The following PPP2R5A variants were observed in gnomAD, a reference collection of about 807,000 sequenced individuals.
The protein encoded by PPP2R5A is protein phosphatase 2 regulatory subunit B'alpha, also known as serine/threonine-protein phosphatase 2A 56 kDa regulatory subunit alpha isoform.
A neutral mutation model predicts 64.2 loss-of-function variants in PPP2R5A; 25 were observed. The ratio of observed to expected loss-of-function variants is 0.39; its 90% CI spans 0.28 to 0.54. The LOEUF (loss-of-function observed/expected upper bound fraction) is 0.54, where lower values mean the gene tolerates loss of function less well. Ranked by LOEUF, PPP2R5A falls within the 20% of genes least tolerant of loss-of-function variation. The pLI, the probability that PPP2R5A is intolerant of heterozygous loss-of-function variation, is 0.67. For missense variants in PPP2R5A, 425 were observed against 576.3 expected (o/e 0.74, Z 2.69); for synonymous variants, 198 against 201.2 (o/e 0.98, Z 0.13).
At chr1:212,329,924 G>A (rs11119915) in intron 2 of PPP2R5A, among the ~76,000 whole-genome samples, 17,800 of 152,196 alleles carry the variant, frequency 0.12, 2,647 homozygotes, top group African/African-American at 0.35. Context: ...GATTATAGGC[G>A]TGAGCCACCG....
intron 1 of PPP2R5A, among the ~76,000 whole-genome samples, chr1:212,286,527 G>GTCCC (rs1177315235): frequency 1.3e-5 from 2 of 152,294 alleles, no homozygotes; most frequent in East Asian, 3.9e-4. Flanking sequence ...TTCCATCCTA[G>GTCCC]GGGAGGCCAA....
chr1:212,321,223 G>A (rs1424619464), intron 1 of PPP2R5A, among the ~76,000 whole-genome samples: 6 of 143,926 alleles, frequency 4.2e-5, no homozygotes, highest in East Asian at 2.1e-4. Flanking sequence ...CAGACGGGGC[G>A]GCTGGCCGGG....
chr1:212,339,906 C>T (rs12033246), intron 3 of PPP2R5A, among the ~76,000 whole-genome samples: 44,912 of 149,306 alleles, frequency 0.3, 7,251 homozygotes, highest in Non-Finnish European at 0.37. Context: ...GGTGGAATCT[C>T]CAGGGATTTG....
chr1:212,334,266 A>C (rs1053629408), intron 3 of PPP2R5A, among the ~76,000 whole-genome samples: 4 of 152,034 alleles, frequency 2.6e-5, no homozygotes, highest in Admixed American at 2.0e-4. Flanking sequence ...TGAATCCATA[A>C]ATTTTTATAC....
At chr1:212,294,719 T>G (rs574724512) in intron 1 of PPP2R5A, among the ~76,000 whole-genome samples, 26 of 152,320 alleles carry the variant, frequency 1.7e-4, no homozygotes, top group Admixed American at 3.3e-4. Context: ...GAATACAGAC[T>G]TGTAAGCAGG....
intron 1 of PPP2R5A, among the ~76,000 whole-genome samples, chr1:212,326,784 T>A (rs895078141): frequency 2.0e-4 from 30 of 152,240 alleles, no homozygotes; most frequent in Admixed American, 1.4e-3. Flanking sequence ...TGTGGAGCTA[T>A]CTTATTTTAC....
chr1:212,322,911 G>A (rs142025328), intron 1 of PPP2R5A, among the ~76,000 whole-genome samples: 3,011 of 152,026 alleles, frequency 0.02, 76 homozygotes, highest in East Asian at 0.12. Flanking sequence ...TCAGCCTCCC[G>A]AGTAGCTGGG....
At chr1:212,356,433 A>T (rs1347240474) in intron 8 of PPP2R5A, among the ~76,000 whole-genome samples, 193 bp from the exon 9 acceptor site, 1 of 152,242 alleles carries the variant, frequency 6.6e-6, no homozygotes, top group Non-Finnish European at 1.5e-5. Flanking sequence ...TATCTGGTAC[A>T]TAATAGGCAC....
chr1:212,343,051 G>A (rs957968071), intron 4 of PPP2R5A, among the ~76,000 whole-genome samples: 2 of 151,778 alleles, frequency 1.3e-5, no homozygotes, highest in Admixed American at 6.6e-5. Context: ...GGGTTCAAGC[G>A]ATTCTCCTGC....
At chr1:212,321,372 C>G (rs1048494330) in intron 1 of PPP2R5A, among the ~76,000 whole-genome samples, 1 of 147,912 alleles carries the variant, frequency 6.8e-6, no homozygotes, top group African/African-American at 2.5e-5. Flanking sequence ...GGGGGGCTGA[C>G]CCCCACCTCC....
At chr1:212,332,730 C>CT (rs1218225624) in intron 2 of PPP2R5A, among the ~76,000 whole-genome samples, 1 of 151,926 alleles carries the variant, frequency 6.6e-6, no homozygotes, top group East Asian at 1.9e-4. Flanking sequence ...TTACCAAACT[C>CT]TGAGTTATAA....
At chr1:212,348,732 G>T (rs115291003) in intron 7 of PPP2R5A, among the ~76,000 whole-genome samples, 1 of 152,202 alleles carries the variant, frequency 6.6e-6, no homozygotes, top group African/African-American at 2.4e-5. Flanking sequence ...TCATATTATA[G>T]TCCAGGTCTT....
At position 212,333,098 on chromosome 1, in the gene PPP2R5A, T is replaced by G. The variant is rs1659532828; in HGVS notation, c.379-399T>G. The stretch of plus-strand genomic sequence containing the variant: ...TGTGTTTTTGTAGAGATTGGGGGTT[T>G]CACCATGTTGCCCAGGCTGGTCTTG... On this transcript the variant is annotated intron_variant, in intron 2 of 12. Coordinates refer to ENST00000261461, the MANE Select transcript of PPP2R5A (RefSeq NM_006243.4). Among the ~76,000 whole-genome samples the G allele has an allele frequency of 3.9e-5, 6 of 152,178 alleles. No individual in the cohort carries two copies. In the South Asian group the frequency reaches 1.2e-3, roughly 32 times the overall value.
chr1:212,298,856 G>T (rs1333765713), intron 1 of PPP2R5A, among the ~76,000 whole-genome samples: 13 of 40,002 alleles, frequency 3.2e-4, no homozygotes, highest in African/African-American at 7.6e-4. Flanking sequence ...CCTCCCGGAC[G>T]GGGCGGCTGG....
chr1:212,347,985 T>A (rs1363685792), intron 6 of PPP2R5A, among the ~76,000 whole-genome samples: 1 of 152,318 alleles, frequency 6.6e-6, no homozygotes, highest in South Asian at 2.1e-4. Flanking sequence ...AGAAAATGAT[T>A]GTGGAGAGAA....
chr1:212,320,366 C>G (rs1333321292), intron 1 of PPP2R5A, among the ~76,000 whole-genome samples: 4 of 152,200 alleles, frequency 2.6e-5, no homozygotes, highest in African/African-American at 9.7e-5. Context: ...GACATGGCAA[C>G]CATCCGATTT....
chr1:212,312,195 A>G (rs1194650311), intron 1 of PPP2R5A, among the ~76,000 whole-genome samples: 1 of 152,202 alleles, frequency 6.6e-6, no homozygotes, highest in Non-Finnish European at 1.5e-5. Flanking sequence ...ACAGTTTTGT[A>G]GCCTAGGAGC....
rs1338592184 is a variant in PPP2R5A, at chr1:212,357,166, A to C, written c.1108A>C (p.Arg370=). 6.3e-7 allele frequency: 1 copy of C among 1,582,148 alleles called. No homozygotes were observed. The highest frequency in any genetic ancestry group is 1.4e-5 in the African/African-American group (1 of 73,172). The change falls in exon 11 of 13, where the codon AGG becomes CGG. Residue 370 remains arginine, a synonymous_variant. Transcript: ENST00000261461. The part of the protein sequence containing the change: ...VSSSHFQVAE[R]ALYFWNNEYI... ...AAATGTCTTTTTTTAGGTTGCAGAA[A>C]GGGCATTGTACTTCTGGAATAACGA... is the stretch of plus-strand genomic sequence containing the variant.
Position 212,361,790 on chromosome 1 carries a change from C to CTGT in PPP2R5A, c.*1022_*1024dup, listed in dbSNP as rs901841189. Reference sequence around the variant, plus strand: ...TCTTAACTTGCAGTTGTGTGGAAAACTGTTTTGTAATGAAAGATCTTCATT... The same window carrying CTGT: ...TCTTAACTTGCAGTTGTGTGGAAAACTGTTGTTTTGTAATGAAAGATCTTCATT... On this transcript the variant is annotated 3_prime_UTR_variant, in exon 13 of 13. Transcript: ENST00000261461. 60 of 152,738 alleles carry CTGT rather than the reference C, an allele frequency of 3.9e-4. No homozygotes were observed. The highest frequency in any genetic ancestry group is 1.3e-3 in the African/African-American group (55 of 41,568). 9.5% of individuals were successfully genotyped at this position (152,738 alleles called of 1,614,324 possible).
Sources: allele counts gnomAD v4.1 joint callset (sites outside exome capture counted in the v4.1 genomes callset), GRCh38; gene constraint gnomAD v4.1.1; transcripts MANE v1.5; gene names NCBI Gene and HGNC (gene_info 2026-07-23, HGNC 2026-07-21).